The following OR56A3 variants were observed in gnomAD, a reference collection of about 807,000 sequenced individuals.
OR56A3 encodes the protein olfactory receptor family 56 subfamily A member 3.
A neutral mutation model predicts 17.5 loss-of-function variants in OR56A3; 23 were observed. The ratio of observed to expected loss-of-function variants is 1.32; its 90% confidence interval spans 0.95 to 1.87. The LOEUF is 1.87. Ranked by LOEUF, OR56A3 falls within the 40% of genes most tolerant of loss-of-function variation. OR56A3 has a pLI of 0.00. For synonymous variants in OR56A3, 175 were observed against 150.6 expected (o/e 1.16, Z -1.19); for missense variants, 366 against 380.1 (o/e 0.96, Z 0.31).
chr11:5,990,995 C>A, the OR56A3 span, among the ~76,000 whole-genome samples: 1 of 152,166 alleles, frequency 6.6e-6, no homozygotes, highest in South Asian at 2.1e-4. Context: ...CCTAAGTCTC[C>A]AGTTCAATCT....
chr11:5,943,955 G>T (rs1329976632), intron 1 of OR56A3, among the ~76,000 whole-genome samples: 2 of 152,188 alleles, frequency 1.3e-5, no homozygotes, highest in Non-Finnish European at 2.9e-5. Context: ...GGTCAATTAT[G>T]CCAAGTTCTA....
intron 2 of OR56A3, among the ~76,000 whole-genome samples, chr11:5,945,519 T>C (rs567601278): frequency 1.4e-5 from 2 of 147,204 alleles, no homozygotes; most frequent in East Asian, 4.0e-4. Flanking sequence ...GAGGCGGAGG[T>C]TGCAGTGAGC....
At chr11:5,984,662 T>A in the OR56A3 span, among the ~76,000 whole-genome samples, 1 of 152,192 alleles carries the variant, frequency 6.6e-6, no homozygotes, top group Non-Finnish European at 1.5e-5. Flanking sequence ...TAAAAACAGC[T>A]CATACCAGTC....
chr11:5,985,773 T>C, the OR56A3 span: 1 of 623,188 alleles, frequency 1.6e-6, no homozygotes, highest in Non-Finnish European at 2.7e-6. Flanking sequence ...TCCAGGTACA[T>C]CCCAATAAGC....
Position 5,943,848 on chromosome 11 carries a change from A to T in OR56A3, c.-313-958A>T, listed in dbSNP as rs565061123. Reference sequence around the variant, plus strand: ...GATGCAATGAGCAAAGGAATAAATGACAAGAAAGTAATGCAGAAGATAGTG... The same window carrying T: ...GATGCAATGAGCAAAGGAATAAATGTCAAGAAAGTAATGCAGAAGATAGTG... On this transcript the variant is annotated intron_variant, in intron 1 of 2. Coordinates refer to ENST00000641160, the MANE Select transcript of OR56A3 (RefSeq NM_001003443.3). 8.3e-4 allele frequency among the ~76,000 whole-genome samples: 127 copies of T among 152,342 alleles called. 2 individuals carry two copies. In the South Asian group the frequency reaches 0.026, roughly 31 times the overall value.
the OR56A3 span, among the ~76,000 whole-genome samples, chr11:5,982,369 A>G: frequency 6.6e-6 from 1 of 152,116 alleles, no homozygotes. Context: ...GGCAGGGTGC[A>G]GGTGAGTGCA....
the OR56A3 span, among the ~76,000 whole-genome samples, chr11:6,015,779 C>T: frequency 1.3e-5 from 2 of 152,178 alleles, no homozygotes; most frequent in East Asian, 1.9e-4. Flanking sequence ...CCTGTACCCC[C>T]GTTGTATGAT....
chr11:5,973,909 T>G, the OR56A3 span, among the ~76,000 whole-genome samples: 1 of 152,186 alleles, frequency 6.6e-6, no homozygotes, highest in Non-Finnish European at 1.5e-5. Context: ...AGTGGCTGCT[T>G]CTTTGTAGCC....
chr11:6,002,608 T>A, the OR56A3 span: 1 of 1,614,184 alleles, frequency 6.2e-7, no homozygotes, highest in African/African-American at 1.3e-5. Flanking sequence ...GGATGGCAGA[T>A]GGCCACATAA....
the OR56A3 span, chr11:6,002,069 G>T: frequency 6.3e-7 from 1 of 1,594,098 alleles, no homozygotes; most frequent in Non-Finnish European, 8.5e-7. Context: ...TCTTCAGCAG[G>T]TTTTGGATTC....
chr11:5,985,882 G>T, the OR56A3 span: 6 of 1,476,632 alleles, frequency 4.1e-6, no homozygotes, highest in Non-Finnish European at 5.5e-6. Flanking sequence ...CCAGTCACAG[G>T]CTCCTGGCTG....
At chr11:5,993,935 C>T in the OR56A3 span, 144 of 457,752 alleles carry the variant, frequency 3.1e-4, no homozygotes, top group African/African-American at 1.1e-3. Flanking sequence ...CACTCTGTGG[C>T]GGGTGGTAGT....
chr11:6,009,153 A>T, the OR56A3 span, among the ~76,000 whole-genome samples: 1 of 152,166 alleles, frequency 6.6e-6, no homozygotes, highest in Non-Finnish European at 1.5e-5. Context: ...ACAAAGACTG[A>T]TACATTTCCA....
At chr11:5,952,757 C>CCTGA (rs752558921), downstream of OR56A3, among the ~76,000 whole-genome samples, 5 of 152,144 alleles carry the variant, frequency 3.3e-5, no homozygotes, top group Non-Finnish European at 7.4e-5. Flanking sequence ...CCACCCAGAT[C>CCTGA]CTGAGCACAG....
the OR56A3 span, among the ~76,000 whole-genome samples, chr11:6,009,442 T>G: frequency 6.6e-6 from 1 of 152,206 alleles, no homozygotes; most frequent in Non-Finnish European, 1.5e-5. Flanking sequence ...AGTGATGATT[T>G]AGCTGGATAA....
the OR56A3 span, chr11:5,986,609 G>A: frequency 1.9e-6 from 3 of 1,613,820 alleles, no homozygotes; most frequent in South Asian, 2.2e-5. Flanking sequence ...CCAATCTCGT[G>A]GGCATGAACC....
At chr11:5,969,639 A>C in the OR56A3 span, among the ~76,000 whole-genome samples, 532 of 152,310 alleles carry the variant, frequency 3.5e-3, 2 homozygotes, top group Non-Finnish European at 5.6e-3. Context: ...GGATATTCAA[A>C]ATGTTCAAGT....
downstream of OR56A3, among the ~76,000 whole-genome samples, chr11:5,952,859 G>C (rs1300889490): frequency 2.0e-5 from 3 of 152,064 alleles, no homozygotes; most frequent in Non-Finnish European, 4.4e-5. Context: ...TTAGGTCCAT[G>C]AGTATCCAAT....
At chr11:5,960,752 G>A in the OR56A3 span, among the ~76,000 whole-genome samples, 1 of 151,772 alleles carries the variant, frequency 6.6e-6, no homozygotes, top group Non-Finnish European at 1.5e-5. Flanking sequence ...CCTCTGCCCG[G>A]CAGCCCAGTC....
Sources: gnomAD v4.1 joint callset for allele counts (sites outside exome capture counted in the v4.1 genomes callset) on GRCh38, gnomAD v4.1.1 for gene constraint, MANE v1.5 for transcripts, NCBI Gene and HGNC (gene_info 2026-07-23, HGNC 2026-07-21) for gene names.